The following TRIM5 variants were observed in gnomAD, a reference collection of about 807,000 sequenced individuals.
TRIM5 encodes the protein tripartite motif-containing protein 5.
In TRIM5, 31 loss-of-function variants were observed where a neutral mutation model predicts 35.6. That is an observed-to-expected ratio of 0.87 (90% CI 0.65 to 1.18). The LOEUF (loss-of-function observed/expected upper bound fraction) is 1.18. Ranked by LOEUF, TRIM5 falls within the 50% of genes most tolerant of loss-of-function variation. TRIM5 has a pLI of 0.00. For synonymous variants in TRIM5, 243 were observed against 215.6 expected (o/e 1.13, Z -1.11); for missense variants, 609 against 591.6 (o/e 1.03, Z -0.31).
the TRIM5 span, among the ~76,000 whole-genome samples, chr11:5,656,009 TG>T: frequency 6.6e-6 from 1 of 152,164 alleles, no homozygotes; most frequent in Admixed American, 6.5e-5. Context: ...TAACTCAAGA[TG>T]GATTAAAGAC....
chr11:5,675,932 A>G (rs978149436), intron 4 of TRIM5, among the ~76,000 whole-genome samples: 1 of 109,578 alleles, frequency 9.1e-6, no homozygotes, highest in African/African-American at 2.9e-5. Context: ...ATTCCCACCT[A>G]TGAGTGAGAA....
the TRIM5 span, among the ~76,000 whole-genome samples, chr11:5,602,640 G>T: frequency 6.6e-6 from 1 of 151,672 alleles, no homozygotes; most frequent in East Asian, 1.9e-4. Flanking sequence ...TAACATTGAG[G>T]ATATGTTTTG....
chr11:5,624,189 C>T, the TRIM5 span, among the ~76,000 whole-genome samples: 19 of 152,308 alleles, frequency 1.2e-4, no homozygotes, highest in African/African-American at 4.3e-4. Context: ...TAGTGGTTCT[C>T]AGCCTCAGAT....
Position 5,678,243 on chromosome 11 carries a change from C to T in TRIM5, c.705G>A (p.Leu235=), listed in dbSNP as rs1260623221. 6.2e-7 allele frequency: 1 copy of T among 1,613,784 alleles called. No individual in the cohort carries two copies. Among genetic ancestry groups the T allele is most frequent in the African/African-American group, 1.3e-5 (1 of 74,910 alleles). The change falls in exon 4 of 8, where the codon CTG becomes CTA. Residue 235 remains leucine, a synonymous_variant. Coordinates refer to ENST00000380034, the MANE Select transcript of TRIM5 (RefSeq NM_033034.3). ...TCACTGACCCCTGCAGCCGATGCTC[C>T]AGATCTGAGATGAGCTCTCTCAGGG... ...TQSLRELISD[L]EHRLQGSVME...
At chr11:5,657,805 A>G in the TRIM5 span, among the ~76,000 whole-genome samples, 3,830 of 148,748 alleles carry the variant, frequency 0.026, 185 homozygotes, top group African/African-American at 0.091. Context: ...TAGTAGAGAC[A>G]GAGTTTCACC....
At chr11:5,644,052 A>G in the TRIM5 span, 1 of 420,256 alleles carries the variant, frequency 2.4e-6, no homozygotes, top group South Asian at 1.0e-4. Context: ...GTCCATAGGA[A>G]CCACCCCCAT....
chr11:5,613,624 T>G, the TRIM5 span, among the ~76,000 whole-genome samples: 1 of 152,214 alleles, frequency 6.6e-6, no homozygotes, highest in African/African-American at 2.4e-5. Context: ...AGTTATCCCC[T>G]TCCCACTTAT....
chr11:5,643,332 G>C, the TRIM5 span: 2 of 1,613,844 alleles, frequency 1.2e-6, no homozygotes, highest in Non-Finnish European at 1.7e-6. Context: ...CTGGATCCTG[G>C]GGGTATACTG....
At chr11:5,648,611 G>A in the TRIM5 span, among the ~76,000 whole-genome samples, 1 of 152,132 alleles carries the variant, frequency 6.6e-6, no homozygotes. Flanking sequence ...TGGAGATAGG[G>A]CCAGTGTGAA....
the TRIM5 span, among the ~76,000 whole-genome samples, chr11:5,597,743 A>G: frequency 6.6e-6 from 1 of 152,194 alleles, no homozygotes. Flanking sequence ...AGCCATTTTG[A>G]TATCGATGCA....
At chr11:5,679,050 C>T (rs1277070898) in intron 3 of TRIM5, 24 bp downstream of exon 3, 6 of 1,603,496 alleles carry the variant, frequency 3.7e-6, no homozygotes, top group Non-Finnish European at 5.1e-6. Context: ...CTAGCTAACT[C>T]CTTCGGGAAC....
chr11:5,642,512 G>T, the TRIM5 span: 1 of 1,613,196 alleles, frequency 6.2e-7, no homozygotes, highest in Non-Finnish European at 8.5e-7. Flanking sequence ...TAGAGGTGAG[G>T]AGAAGCAGAC....
chr11:5,663,078 T>C (rs1469150600), downstream of TRIM5: 1 of 287,154 alleles, frequency 3.5e-6, no homozygotes, highest in Non-Finnish European at 5.2e-6. Flanking sequence ...TGAGCCGAGA[T>C]CGTGCCATTG....
chr11:5,628,446 A>T, the TRIM5 span, among the ~76,000 whole-genome samples: 133 of 152,274 alleles, frequency 8.7e-4, no homozygotes, highest in African/African-American at 2.6e-3. Flanking sequence ...CTACCAGTAT[A>T]TCTCTTTTGT....
chr11:5,680,097 G>C lies in TRIM5; in HGVS notation c.81C>G (p.Ser27Arg), dbSNP rs1462496512. ...GGCAGAAGCTGTGGCCGCAGTCCAG[G>C]CTCAGGGGTTGTGTCAGGAGTTCCA... ...ICLELLTQPL[S>R]LDCGHSFCQA... The change falls in exon 2 of 8, where the codon AGC becomes AGG. Residue 27 changes from serine to arginine, a missense_variant. Physicochemically the swap from Ser to Arg is moderately radical, Grantham distance 110 (BLOSUM62 -1). Transcript: ENST00000380034. 1.9e-6 allele frequency: 3 copies of C among 1,613,980 alleles called. No individual in the cohort carries two copies. Among genetic ancestry groups the C allele is most frequent in the Non-Finnish European group, 2.5e-6 (3 of 1,180,036 alleles).
At position 5,663,245 on chromosome 11, in the gene TRIM5, T is replaced by A; in HGVS notation, c.*1564A>T. On this transcript the variant is annotated 3_prime_UTR_variant, in exon 8 of 8. Coordinates refer to ENST00000380034, the MANE Select transcript of TRIM5 (RefSeq NM_033034.3). ...AAAACTCGTTTAACTTTTAAAAAAC[T>A]ACATCAGCTAATTTTATTATAATTA... is the stretch of plus-strand genomic sequence containing the variant. The A allele has an allele frequency of 1.1e-6, 1 of 950,438 alleles. No individual in the cohort carries two copies. Among genetic ancestry groups the A allele is most frequent in the Non-Finnish European group, 1.3e-6 (1 of 798,134 alleles). The allele number at this position is 950,438 out of a possible 1,614,324, so 58.9% of individuals were successfully genotyped here. A position where few individuals can be genotyped will look rare whatever the true frequency, so the allele number is the denominator to read the frequency against.
At chr11:5,600,534 C>A in the TRIM5 span, among the ~76,000 whole-genome samples, 1 of 152,132 alleles carries the variant, frequency 6.6e-6, no homozygotes, top group East Asian at 1.9e-4. Flanking sequence ...CATCCCATGA[C>A]TTTTTCTTAC....
chr11:5,610,942 A>G, the TRIM5 span: 2 of 1,614,154 alleles, frequency 1.2e-6, no homozygotes, highest in South Asian at 1.1e-5. Flanking sequence ...GGTAAGCATT[A>G]CTGGGAGGTA....
chr11:5,653,629 T>C, the TRIM5 span, among the ~76,000 whole-genome samples: 1 of 151,660 alleles, frequency 6.6e-6, no homozygotes, highest in African/African-American at 2.4e-5. Context: ...GTGGCTGGGA[T>C]TAGAAGTGCG....
Sources: allele counts gnomAD v4.1 joint callset (sites outside exome capture counted in the v4.1 genomes callset), GRCh38; gene constraint gnomAD v4.1.1; transcripts MANE v1.5; gene names NCBI Gene and HGNC (gene_info 2026-07-23, HGNC 2026-07-21).